PAX8: variants seen among roughly 807,000 people sequenced by gnomAD.
The protein encoded by PAX8 is paired box 8, also known as paired box protein Pax-8.
A neutral mutation model predicts 52.4 loss-of-function variants in PAX8; 15 were observed. That is an observed-to-expected ratio of 0.29 (90% CI 0.19 to 0.44). The LOEUF (loss-of-function observed/expected upper bound fraction) is 0.44, where lower values mean the gene tolerates loss of function less well. Ranked by LOEUF, PAX8 falls within the 20% of genes least tolerant of loss-of-function variation. PAX8 has a pLI of 1.00. For missense variants in PAX8, 554 were observed against 602.5 expected (o/e 0.92, Z 0.84); for synonymous variants, 284 against 249.7 (o/e 1.14, Z -1.29).
In PAX8 at chr2:113,216,421, T is replaced by C; in HGVS notation, c.*2112A>G. 1 of 231,646 alleles carries C rather than the reference T, an allele frequency of 4.3e-6. No homozygotes were observed. Among genetic ancestry groups the C allele is most frequent in the Non-Finnish European group, 8.5e-6 (1 of 117,034 alleles). The allele number at this position is 231,646 out of a possible 1,614,324, so 14.3% of individuals were successfully genotyped here. A position where few individuals can be genotyped will look rare whatever the true frequency, so the allele number is the denominator to read the frequency against. On this transcript the variant is annotated 3_prime_UTR_variant, in exon 12 of 12. Transcript: ENST00000429538. ...AGCCCTGGAGTCCTTGGGCCCCTTC[T>C]ATCTGACTCAATCCCAGTGTTGTTT...
intron 7 of PAX8, chr2:113,241,245 C>T (rs1220406091): frequency 2.9e-5 from 15 of 511,660 alleles, no homozygotes; most frequent in Non-Finnish European, 4.3e-5. Flanking sequence ...AGTTGTGGAA[C>T]GTGATGTTGC....
chr2:113,261,822 GT>G (rs777210195), intron 2 of PAX8, among the ~76,000 whole-genome samples: 6,083 of 143,880 alleles, frequency 0.042, 202 homozygotes, highest in South Asian at 0.14. Context: ...AAGATTTTAG[GT>G]TTTTTTTTTT....
chr2:113,240,148 G>C (rs983239623), intron 7 of PAX8: 2 of 152,462 alleles, frequency 1.3e-5, no homozygotes, highest in African/African-American at 2.4e-5. Context: ...TACTCTCACA[G>C]AGTGAGCTTC....
chr2:113,241,124 CG>C, intron 7 of PAX8: 1 of 329,384 alleles, frequency 3.0e-6, no homozygotes, highest in South Asian at 2.6e-5. Context: ...GTGGTGAGCT[CG>C]GGGCCATGAG....
intron 4 of PAX8, among the ~76,000 whole-genome samples, chr2:113,243,548 C>T (rs530900326): frequency 1.6e-4 from 25 of 152,320 alleles, no homozygotes; most frequent in South Asian, 8.3e-4. Flanking sequence ...CTCGCCACCA[C>T]ACCCAGTTAA....
chr2:113,249,346 G>C (rs1691584395), intron 2 of PAX8, among the ~76,000 whole-genome samples: 1 of 152,186 alleles, frequency 6.6e-6, no homozygotes. Flanking sequence ...TCCAGGCACT[G>C]AACACAAGGG....
intron 10 of PAX8, chr2:113,226,748 A>T: frequency 8.7e-7 from 1 of 1,152,946 alleles, no homozygotes; most frequent in Non-Finnish European, 1.1e-6. Context: ...CATCAGAGTT[A>T]AATCACTGGG....
Position 113,260,812 on chromosome 2 carries a change from C to T in PAX8, c.26-13893G>A, listed in dbSNP as rs115013426. Among the ~76,000 whole-genome samples, 394 of 151,894 alleles carry T rather than the reference C, an allele frequency of 2.6e-3. 3 individuals carry two copies. The highest frequency in any genetic ancestry group is 9.0e-3 in the African/African-American group (373 of 41,384). ...GGGCTTGACTAGCTCATGGAGGAGG[C>T]ATTTGTAAAGGGTGGGCTTTAGCCT... On this transcript the variant is annotated intron_variant, in intron 2 of 11. Transcript: ENST00000429538.
At chr2:113,231,763 T>C (rs1389325992) in intron 9 of PAX8, among the ~76,000 whole-genome samples, 1 of 152,198 alleles carries the variant, frequency 6.6e-6, no homozygotes, top group East Asian at 1.9e-4. Flanking sequence ...AGTTTCGCTC[T>C]TGTTGCCCAG....
chr2:113,249,707 G>A (rs748776323), intron 2 of PAX8, among the ~76,000 whole-genome samples: 33 of 152,220 alleles, frequency 2.2e-4, no homozygotes, highest in Non-Finnish European at 3.7e-4. Flanking sequence ...GTTATTTACC[G>A]TTATCAGCAA....
At chr2:113,259,011 A>C (rs2104556852) in intron 2 of PAX8, 1 of 152,336 alleles carries the variant, frequency 6.6e-6, no homozygotes, top group Non-Finnish European at 1.5e-5. Flanking sequence ...CACAGGGGCC[A>C]GAGAGCTTGA....
intron 10 of PAX8, chr2:113,225,878 C>T (rs1181411506): frequency 3.1e-6 from 3 of 978,110 alleles, no homozygotes; most frequent in Admixed American, 1.3e-4. Flanking sequence ...TATCCACACT[C>T]TTAAAAAAAT....
At chr2:113,262,474 G>C (rs11903972) in intron 2 of PAX8, among the ~76,000 whole-genome samples, 13,236 of 152,136 alleles carry the variant, frequency 0.087, 1,055 homozygotes, top group African/African-American at 0.21. Flanking sequence ...CTTCTGCAGC[G>C]GTGTTGCTCA....
At chr2:113,233,608 G>A (rs1467180687) in intron 9 of PAX8, among the ~76,000 whole-genome samples, 1 of 151,410 alleles carries the variant, frequency 6.6e-6, no homozygotes, top group African/African-American at 2.4e-5. Context: ...AACCCAGGAG[G>A]TGGAGGTTGC....
chr2:113,278,502 G>T (rs551830792), intron 1 of PAX8, 33 bp from the exon 2 acceptor site: 7 of 1,487,506 alleles, frequency 4.7e-6, no homozygotes, highest in Non-Finnish European at 6.4e-6. Flanking sequence ...CATGAGATGC[G>T]ATGAGATTCG....
At chr2:113,256,104 C>T (rs1000134430) in intron 2 of PAX8, among the ~76,000 whole-genome samples, 2 of 152,196 alleles carry the variant, frequency 1.3e-5, no homozygotes, top group African/African-American at 4.8e-5. Flanking sequence ...CCTCAGATCT[C>T]TTCTGGTATC....
chr2:113,255,506 C>T (rs916297959), intron 2 of PAX8: 3 of 152,504 alleles, frequency 2.0e-5, no homozygotes, highest in East Asian at 1.9e-4. Context: ...CAGAGGTCTT[C>T]CTGTTGGCTC....
intron 2 of PAX8, among the ~76,000 whole-genome samples, chr2:113,254,305 G>A (rs1187345624): frequency 1.3e-5 from 2 of 152,180 alleles, no homozygotes; most frequent in Admixed American, 1.3e-4. Flanking sequence ...GTAGGCTGGG[G>A]ATGGGTATAT....
intron 10 of PAX8, chr2:113,226,557 C>T (rs1364597868): frequency 2.0e-6 from 2 of 1,004,844 alleles, no homozygotes; most frequent in South Asian, 4.3e-5. Context: ...AGAGCTACTC[C>T]AGGCTCATTT....
Sources: gnomAD v4.1 joint callset for allele counts (sites outside exome capture counted in the v4.1 genomes callset) on GRCh38, gnomAD v4.1.1 for gene constraint, MANE v1.5 for transcripts, NCBI Gene and HGNC (gene_info 2026-07-23, HGNC 2026-07-21) for gene names.